Variants in SV2C observed in about 807,000 individuals in gnomAD.
SV2C encodes synaptic vesicle glycoprotein 2C.
SV2C carries 49 observed loss-of-function variants against 79.7 expected under a neutral mutation model. The ratio of observed to expected loss-of-function variants is 0.61; its 90% confidence interval spans 0.49 to 0.78. The LOEUF (loss-of-function observed/expected upper bound fraction) is 0.78. Ranked by LOEUF, SV2C falls within the 30% of genes least tolerant of loss-of-function variation. The pLI is 0.00. For missense variants in SV2C, 833 were observed against 912.9 expected (o/e 0.91, Z 1.13); for synonymous variants, 334 against 333.2 (o/e 1.00, Z -0.03).
At chr5:76,257,118 G>T (rs1013755843) in intron 4 of SV2C, among the ~76,000 whole-genome samples, 1 of 152,198 alleles carries the variant, frequency 6.6e-6, no homozygotes, top group African/African-American at 2.4e-5. Context: ...AACTTCCAGA[G>T]CCACTGAATT....
intron 4 of SV2C, among the ~76,000 whole-genome samples, chr5:76,215,272 T>TTTTC (rs1475386437): frequency 2.6e-5 from 4 of 152,276 alleles, no homozygotes; most frequent in African/African-American, 4.8e-5. Flanking sequence ...AGAAGTTTGT[T>TTTTC]TTTCTGCTGG....
At chr5:76,114,735 T>C (rs1329024771) in intron 1 of SV2C, among the ~76,000 whole-genome samples, 1 of 152,230 alleles carries the variant, frequency 6.6e-6, no homozygotes, top group Non-Finnish European at 1.5e-5. Context: ...TTTTCTGAAA[T>C]AGTGTGCTGT....
intron 3 of SV2C, among the ~76,000 whole-genome samples, chr5:76,208,511 G>A (rs998964062): frequency 1.3e-5 from 2 of 152,132 alleles, no homozygotes; most frequent in Non-Finnish European, 1.5e-5. Context: ...TGTAAATCCC[G>A]TGGTTTATTT....
the SV2C span, among the ~76,000 whole-genome samples, chr5:76,037,901 G>T: frequency 6.6e-6 from 1 of 152,204 alleles, no homozygotes; most frequent in African/African-American, 2.4e-5. Context: ...GAGACTCCGT[G>T]GGCATAGGAC....
At chr5:75,951,852 G>A in the SV2C span, among the ~76,000 whole-genome samples, 12,466 of 151,930 alleles carry the variant, frequency 0.082, 594 homozygotes, top group South Asian at 0.17. Flanking sequence ...CACTATTTGT[G>A]GACTCAAAGA....
intron 2 of SV2C, among the ~76,000 whole-genome samples, chr5:76,137,963 A>T (rs925555039): frequency 6.6e-6 from 1 of 152,186 alleles, no homozygotes; most frequent in Non-Finnish European, 1.5e-5. Flanking sequence ...TTAATATCTT[A>T]TCTGGAATAT....
At chr5:75,919,770 T>C in the SV2C span, among the ~76,000 whole-genome samples, 1 of 152,244 alleles carries the variant, frequency 6.6e-6, no homozygotes, top group Non-Finnish European at 1.5e-5. Context: ...ATCCACAGGC[T>C]GTTGTAGTGA....
chr5:76,044,953 CAA>C, the SV2C span, among the ~76,000 whole-genome samples: 14 of 152,166 alleles, frequency 9.2e-5, no homozygotes, highest in Admixed American at 2.0e-4. Context: ...GCTTTTGTGG[CAA>C]TTGCTTTTTA....
intron 1 of SV2C, among the ~76,000 whole-genome samples, chr5:76,106,522 A>G (rs1237023568): frequency 6.6e-6 from 1 of 152,136 alleles, no homozygotes; most frequent in Non-Finnish European, 1.5e-5. Context: ...TTTATATCCT[A>G]TGACCCCTTC....
the SV2C span, among the ~76,000 whole-genome samples, chr5:76,037,317 C>T: frequency 2.6e-5 from 4 of 152,214 alleles, no homozygotes; most frequent in South Asian, 2.1e-4. Context: ...GGAGGAGAGG[C>T]GCTCTGCTTT....
the SV2C span, among the ~76,000 whole-genome samples, chr5:75,906,356 C>T: frequency 1.5e-4 from 23 of 151,888 alleles, no homozygotes; most frequent in African/African-American, 5.3e-4. Flanking sequence ...GTGTCCCACA[C>T]TGTGCTAAAA....
intron 4 of SV2C, among the ~76,000 whole-genome samples, chr5:76,217,764 A>AT (rs922737642): frequency 6.6e-6 from 1 of 152,182 alleles, no homozygotes; most frequent in Non-Finnish European, 1.5e-5. Flanking sequence ...GAAAAAAAAA[A>AT]GGATAGAAGC....
chr5:75,972,554 C>T, the SV2C span, among the ~76,000 whole-genome samples: 17 of 152,260 alleles, frequency 1.1e-4, no homozygotes, highest in East Asian at 1.7e-3. Flanking sequence ...GACATTTATG[C>T]AGCCAAAAAA....
the SV2C span, among the ~76,000 whole-genome samples, chr5:76,072,754 T>A: frequency 6.6e-6 from 1 of 152,196 alleles, no homozygotes; most frequent in Non-Finnish European, 1.5e-5. Flanking sequence ...TTTCACCACA[T>A]CCAGACCAAC....
chr5:76,012,009 T>G, the SV2C span, among the ~76,000 whole-genome samples: 4 of 152,332 alleles, frequency 2.6e-5, no homozygotes, highest in African/African-American at 9.6e-5. Flanking sequence ...CAGTCTATCA[T>G]TGATGGGCAT....
chr5:75,915,100 G>T, the SV2C span, among the ~76,000 whole-genome samples: 1 of 152,164 alleles, frequency 6.6e-6, no homozygotes, highest in African/African-American at 2.4e-5. Context: ...CTCCCACCAA[G>T]TTCCTCTTAC....
chr5:76,317,601 G>A (rs1032853320), intron 12 of SV2C, among the ~76,000 whole-genome samples: 3 of 152,114 alleles, frequency 2.0e-5, no homozygotes, highest in Non-Finnish European at 4.4e-5. Flanking sequence ...AGGCCGAGGT[G>A]GGAGAATCAC....
rs1430504948 is a variant in SV2C at position 76,242,252 on chromosome 5, G to A, written c.913+32365G>A. On this transcript the variant is annotated intron_variant, in intron 4 of 12. Coordinates refer to ENST00000502798, the MANE Select transcript of SV2C (RefSeq NM_014979.4). ...TCTCTGTGGTTCGTCCTTCACCTTG[G>A]CTTTATCTCCCTTAGCATCCCCTTC... is the stretch of plus-strand genomic sequence containing the variant. 4 of 1,101,136 alleles carry A rather than the reference G, an allele frequency of 3.6e-6. No homozygotes were observed. The African/African-American group carries it at 6.1e-5, about 17-fold the overall frequency. 68.2% of individuals were successfully genotyped at this position (1,101,136 alleles called of 1,614,324 possible).
At chr5:76,141,895 G>A (rs1463203440) in intron 2 of SV2C, among the ~76,000 whole-genome samples, 2 of 148,482 alleles carry the variant, frequency 1.3e-5, no homozygotes, top group Admixed American at 6.7e-5. Flanking sequence ...CAGTTGAATT[G>A]TTAATTATCT....
Sources: allele counts gnomAD v4.1 joint callset (sites outside exome capture counted in the v4.1 genomes callset), GRCh38; gene constraint gnomAD v4.1.1; transcripts MANE v1.5; gene names NCBI Gene and HGNC (gene_info 2026-07-23, HGNC 2026-07-21).